Variants in SGCZ observed in about 807,000 individuals in gnomAD.
SGCZ encodes zeta-sarcoglycan.
SGCZ carries 40 observed loss-of-function variants against 41.3 expected under a neutral mutation model. The ratio of observed to expected loss-of-function variants is 0.97; its 90% confidence interval spans 0.75 to 1.26. SGCZ has a LOEUF of 1.26. SGCZ is among the 50% of genes most tolerant of loss of function. The probability of loss-of-function intolerance (pLI) is 0.00; values close to 1 mark genes in which losing one functional copy is unlikely to be tolerated. For missense variants in SGCZ, 552 were observed against 369.8 expected, an observed-to-expected ratio of 1.49 and a Z score of -4.04; for synonymous variants, 206 against 137.5, an observed-to-expected ratio of 1.50 and a Z score of -3.49.
At chr8:14,326,241 G>C (rs1467106118) in intron 2 of SGCZ, among the ~76,000 whole-genome samples, 1 of 151,846 alleles carries the variant, frequency 6.6e-6, no homozygotes, top group Admixed American at 6.6e-5. Flanking sequence ...TCAATGGGTT[G>C]GGAAAATATC....
chr8:14,432,712 G>A (rs1406590290), intron 2 of SGCZ, among the ~76,000 whole-genome samples: 3 of 151,978 alleles, frequency 2.0e-5, no homozygotes, highest in East Asian at 1.9e-4. Flanking sequence ...TCGGGAGTTC[G>A]AGACCAGCCT....
chr8:14,803,677 T>C (rs946071913), intron 1 of SGCZ, among the ~76,000 whole-genome samples: 4 of 152,068 alleles, frequency 2.6e-5, no homozygotes, highest in South Asian at 2.1e-4. Context: ...TGCCCAGGCT[T>C]GCTTAGGTAA....
At chr8:14,382,328 A>G (rs1216362935) in intron 2 of SGCZ, among the ~76,000 whole-genome samples, 1 of 152,138 alleles carries the variant, frequency 6.6e-6, no homozygotes, top group African/African-American at 2.4e-5. Flanking sequence ...TTGTTTGCGT[A>G]AGGCCCAAAG....
At chr8:14,809,157 C>T (rs143370430) in intron 1 of SGCZ, among the ~76,000 whole-genome samples, 1 of 151,912 alleles carries the variant, frequency 6.6e-6, no homozygotes, top group African/African-American at 2.4e-5. Flanking sequence ...GTGTAGCACA[C>T]CAGCGTGGCA....
At chr8:15,172,329 T>C (rs1799865994) in intron 1 of SGCZ, among the ~76,000 whole-genome samples, 1 of 150,830 alleles carries the variant, frequency 6.6e-6, no homozygotes, top group Non-Finnish European at 1.5e-5. Context: ...GCCCGGCTAA[T>C]TTTTGTATTT....
intron 1 of SGCZ, among the ~76,000 whole-genome samples, chr8:14,816,158 A>G (rs566147524): frequency 6.6e-6 from 1 of 152,346 alleles, no homozygotes; most frequent in South Asian, 2.1e-4. Context: ...TCGAAGATGC[A>G]GTGGGAATTA....
chr8:14,444,978 G>A (rs116183155), intron 2 of SGCZ, among the ~76,000 whole-genome samples: 5,983 of 152,134 alleles, frequency 0.039, 172 homozygotes, highest in African/African-American at 0.078. Context: ...GGCCCAAGAC[G>A]CTTCACTGAC....
intron 2 of SGCZ, among the ~76,000 whole-genome samples, chr8:14,475,912 T>A (rs905073693): frequency 3.9e-5 from 6 of 152,100 alleles, no homozygotes; most frequent in Non-Finnish European, 8.8e-5. Context: ...CACAGCTCAC[T>A]GTCACCTCAA....
At position 14,769,110 on chromosome 8, in the gene SGCZ, T is replaced by C. The variant is rs552820389; in HGVS notation, c.40-214184A>G. On this transcript the variant is annotated intron_variant, in intron 1 of 7. Coordinates refer to ENST00000382080, the MANE Select transcript of SGCZ (RefSeq NM_139167.4). ...AAATAATGAAAATAAATCCGCCGAA[T>C]AAAACTAATTCCTAATAAGGAATGA... Among the ~76,000 whole-genome samples, 3 of 151,956 alleles carry C rather than the reference T, an allele frequency of 2.0e-5. No homozygotes were observed. In the South Asian group the frequency reaches 6.2e-4, roughly 32 times the overall value.
intron 1 of SGCZ, among the ~76,000 whole-genome samples, chr8:15,106,200 T>C (rs1461586317): frequency 6.6e-6 from 1 of 152,140 alleles, no homozygotes; most frequent in East Asian, 1.9e-4. Context: ...AATTAGTAAA[T>C]GATGTGTTGT....
rs560259674 is a variant in SGCZ, at chr8:14,367,564, G to A, written c.235-43360C>T. Among the ~76,000 whole-genome samples the A allele has an allele frequency of 3.3e-5, 5 of 152,196 alleles. No homozygotes were observed. The East Asian group carries it at 9.6e-4, about 29-fold the overall frequency. On this transcript the variant is annotated intron_variant, in intron 2 of 7. Transcript: ENST00000382080. ...CTCACAGTTATGCATTTCTGGGGAG[G>A]CCTCAGGAAACTTATAATCATGGCA...
In SGCZ at chr8:15,146,971, T is replaced by G. The variant is rs186815137; in HGVS notation, c.39+90614A>C. 2.2e-4 allele frequency among the ~76,000 whole-genome samples: 33 copies of G among 152,316 alleles called. No individual in the cohort carries two copies. In the East Asian group the frequency reaches 6.4e-3, roughly 29 times the overall value. ...GCCCACAAAAGTAAAATGCCAAGTA[T>G]CTTTCAATGTTTAATTTACTATTGA... On this transcript the variant is annotated intron_variant, in intron 1 of 7. Transcript: ENST00000382080.
At chr8:14,641,250 A>G (rs1295414082) in intron 1 of SGCZ, among the ~76,000 whole-genome samples, 1 of 151,692 alleles carries the variant, frequency 6.6e-6, no homozygotes, top group Non-Finnish European at 1.5e-5. Flanking sequence ...CAAATCAGCA[A>G]AAGCAACAAA....
At chr8:14,124,242 C>T (rs1280359641) in intron 5 of SGCZ, among the ~76,000 whole-genome samples, 2 of 152,098 alleles carry the variant, frequency 1.3e-5, no homozygotes, top group African/African-American at 2.4e-5. Flanking sequence ...GCAGTCCATT[C>T]GAGCTTGAAA....
intron 1 of SGCZ, among the ~76,000 whole-genome samples, chr8:15,093,907 G>A (rs1052372607): frequency 6.6e-6 from 1 of 152,250 alleles, no homozygotes; most frequent in South Asian, 2.1e-4. Flanking sequence ...CATTACAGTA[G>A]TTTCTACAGC....
intron 1 of SGCZ, among the ~76,000 whole-genome samples, chr8:15,195,428 C>G (rs775374482): frequency 6.6e-6 from 1 of 152,270 alleles, no homozygotes; most frequent in South Asian, 2.1e-4. Context: ...TGGCTTTTGT[C>G]TGTGGTCTTA....
intron 5 of SGCZ, among the ~76,000 whole-genome samples, chr8:14,141,456 TA>T (rs1451367163): frequency 3.9e-5 from 6 of 152,008 alleles, no homozygotes; most frequent in Non-Finnish European, 7.4e-5. Flanking sequence ...ACAAAGAACT[TA>T]AACAAATTAC....
chr8:14,886,571 A>G (rs1430049276), intron 1 of SGCZ, among the ~76,000 whole-genome samples: 2 of 152,066 alleles, frequency 1.3e-5, no homozygotes, highest in Admixed American at 1.3e-4. Flanking sequence ...AGAGCTTCCC[A>G]GGGGCAAGTC....
intron 2 of SGCZ, among the ~76,000 whole-genome samples, chr8:14,445,791 T>G (rs147984478): frequency 6.6e-6 from 1 of 152,176 alleles, no homozygotes; most frequent in Non-Finnish European, 1.5e-5. Context: ...GACAGTGGAG[T>G]TAGGAGAGTA....
Sources: gnomAD v4.1 joint callset for allele counts (sites outside exome capture counted in the v4.1 genomes callset) on GRCh38, gnomAD v4.1.1 for gene constraint, MANE v1.5 for transcripts, NCBI Gene and HGNC (gene_info 2026-07-23, HGNC 2026-07-21) for gene names.